The following ZBTB38 variants were observed in gnomAD, a reference collection of about 807,000 sequenced individuals.
The protein encoded by ZBTB38 is zinc finger and BTB domain containing 38.
ZBTB38 carries 20 observed loss-of-function variants against 76.8 expected under a neutral mutation model. The ratio of observed to expected loss-of-function variants is 0.26; its 90% CI spans 0.18 to 0.38. The LOEUF is 0.38. Among genes scored for constraint, ZBTB38 ranks in the 10% least tolerant of loss-of-function variants. The probability of loss-of-function intolerance (pLI) is 1.00; values close to 1 mark genes in which losing one functional copy is unlikely to be tolerated. For synonymous variants in ZBTB38, 504 were observed against 544.2 expected, an observed-to-expected ratio of 0.93 and a Z score of 1.03; for missense variants, 1,082 against 1,482.3, an observed-to-expected ratio of 0.73 and a Z score of 4.43.
At chr3:141,330,566 G>A (rs10454218) in intron 1 of ZBTB38, among the ~76,000 whole-genome samples, 2 of 152,326 alleles carry the variant, frequency 1.3e-5, no homozygotes, top group South Asian at 4.1e-4. Context: ...CTTGTTCAGG[G>A]ACCTTGTGTC....
At chr3:141,349,754 C>T (rs966258393) in intron 1 of ZBTB38, among the ~76,000 whole-genome samples, 4 of 151,068 alleles carry the variant, frequency 2.6e-5, no homozygotes, top group Non-Finnish European at 4.4e-5. Flanking sequence ...AAATACATCA[C>T]GAAAGACAGA....
chr3:141,394,864 G>T (rs1376913521), intron 4 of ZBTB38, among the ~76,000 whole-genome samples: 1 of 152,080 alleles, frequency 6.6e-6, no homozygotes, highest in Non-Finnish European at 1.5e-5. Context: ...TATCTTTGAG[G>T]GAATCATGGC....
chr3:141,347,112 A>G (rs1943385692), intron 1 of ZBTB38, among the ~76,000 whole-genome samples: 1 of 152,158 alleles, frequency 6.6e-6, no homozygotes, highest in African/African-American at 2.4e-5. Context: ...TTCAAACGCC[A>G]CACAGTTGAT....
chr3:141,417,971 G>A (rs1341563979), intron 5 of ZBTB38, among the ~76,000 whole-genome samples: 7 of 152,092 alleles, frequency 4.6e-5, no homozygotes, highest in Admixed American at 3.9e-4. Context: ...CCGAGATCGC[G>A]CCATTGCACT....
At chr3:141,377,587 C>A (rs1340312528) in intron 2 of ZBTB38, among the ~76,000 whole-genome samples, 1 of 152,160 alleles carries the variant, frequency 6.6e-6, no homozygotes, top group Non-Finnish European at 1.5e-5. Flanking sequence ...CGTGATCCAG[C>A]AATCCTACTC....
At chr3:141,420,594 T>C (rs2075135164) in intron 5 of ZBTB38, among the ~76,000 whole-genome samples, 1 of 152,230 alleles carries the variant, frequency 6.6e-6, no homozygotes, top group Admixed American at 6.5e-5. Context: ...TCTTTAAAGA[T>C]GAAGCCAAGG....
At chr3:141,401,750 G>T (rs1475243379) in intron 4 of ZBTB38, among the ~76,000 whole-genome samples, 1 of 151,992 alleles carries the variant, frequency 6.6e-6, no homozygotes, top group East Asian at 1.9e-4. Flanking sequence ...GGCCCTCTCT[G>T]AATACTTTTT....
chr3:141,416,030 A>AC (rs915826538), intron 5 of ZBTB38, among the ~76,000 whole-genome samples: 1 of 151,976 alleles, frequency 6.6e-6, no homozygotes, highest in African/African-American at 2.4e-5. Context: ...TTTTTATGGG[A>AC]CCCTTGTAGG....
Position 141,446,641 on chromosome 3 carries a change from G to A in ZBTB38, c.*665G>A, listed in dbSNP as rs747243638. 177 of 152,652 alleles carry A rather than the reference G, an allele frequency of 1.2e-3. No homozygotes were observed. The highest frequency in any genetic ancestry group is 1.6e-3 in the Non-Finnish European group (107 of 68,028). The allele number at this position is 152,652 out of a possible 1,614,324, so 9.5% of individuals were successfully genotyped here. ...CATATCCCCTGTAGAGAATTATGAGGAGCAATAGATCTGCAAATAATGAGG... is the reference window on the plus strand; with the variant it reads ...CATATCCCCTGTAGAGAATTATGAGAAGCAATAGATCTGCAAATAATGAGG... On this transcript the variant is annotated 3_prime_UTR_variant, in exon 6 of 6. Transcript: ENST00000321464.
At chr3:141,387,808 A>G (rs1298103208) in intron 4 of ZBTB38, 1 of 152,204 alleles carries the variant, frequency 6.6e-6, no homozygotes, top group Non-Finnish European at 1.5e-5. Context: ...AAGACAGAGA[A>G]ATCAGTTGGT....
At chr3:141,373,124 GACA>G (rs1258372007) in intron 2 of ZBTB38, among the ~76,000 whole-genome samples, 4 of 152,190 alleles carry the variant, frequency 2.6e-5, no homozygotes, top group Non-Finnish European at 5.9e-5. Context: ...TGACCTCACA[GACA>G]ACATCAGCAA....
chr3:141,397,584 C>A (rs1267666930), intron 4 of ZBTB38, among the ~76,000 whole-genome samples: 3 of 152,128 alleles, frequency 2.0e-5, no homozygotes, highest in African/African-American at 7.2e-5. Flanking sequence ...TCATTTCTAG[C>A]TTTTGATTTA....
chr3:141,333,661 G>A (rs566660797), intron 1 of ZBTB38, among the ~76,000 whole-genome samples: 1 of 152,248 alleles, frequency 6.6e-6, no homozygotes, highest in South Asian at 2.1e-4. Context: ...GGGCAGTGTG[G>A]GTGGGGAAAG....
Position 141,443,561 on chromosome 3 carries a change from G to C in ZBTB38, c.1173G>C (p.Gln391His). Residue 391 changes from glutamine (Q) to histidine (H), a missense_variant, in exon 6 of 6, where the codon CAG becomes CAC. By Grantham distance (24) the Gln-to-His change is conservative. This residue lies in a region of ZBTB38 where 324 missense variants were observed against 359.1 expected (regional missense o/e 0.90). Coordinates refer to ENST00000321464, the MANE Select transcript of ZBTB38 (RefSeq NM_001376113.1). The surrounding 1 kb of genome is among the most constrained non-coding windows in gnomAD (Gnocchi z 5.6). The stretch of plus-strand genomic sequence containing the variant: ...TGAACAGGTTGGATCGGCATGAACA[G>C]ATCTGCATGAGGTCAAGCCACATGC... ...TTLNRLDRHE[Q>H]ICMRSSHMPI... The C allele has an allele frequency of 6.2e-7, 1 of 1,614,218 alleles. No homozygotes were observed. The highest frequency in any genetic ancestry group is 8.5e-7 in the Non-Finnish European group (1 of 1,180,040).
At chr3:141,329,621 G>A (rs1942783998) in intron 1 of ZBTB38, among the ~76,000 whole-genome samples, 1 of 152,186 alleles carries the variant, frequency 6.6e-6, no homozygotes, top group East Asian at 1.9e-4. Flanking sequence ...TGATATTAAG[G>A]GACCCAGAGG....
chr3:141,442,328 T>C lies in ZBTB38; in HGVS notation c.1-61T>C. On this transcript the variant is annotated intron_variant, in intron 5 of 5. Transcript: ENST00000321464. This position sits in a 1 kb window ranked among gnomAD's most constrained non-coding sequence, Gnocchi z 6.4. ...AGTTTTTCACAGAAGTGGAAAATAG[T>C]CTAGAGATAAAGAAGCCACCTGTGG... 1.6e-6 allele frequency: 2 copies of C among 1,260,078 alleles called. No individual in the cohort carries two copies. Among genetic ancestry groups the C allele is most frequent in the Non-Finnish European group, 2.2e-6 (2 of 895,622 alleles). The allele number at this position is 1,260,078 out of a possible 1,614,324, so 78.1% of individuals were successfully genotyped here.
intron 1 of ZBTB38, among the ~76,000 whole-genome samples, chr3:141,354,266 G>A (rs548333795): frequency 1.3e-5 from 2 of 152,064 alleles, no homozygotes; most frequent in Non-Finnish European, 2.9e-5. Context: ...TTTAAACCCT[G>A]CTCTCAGCAT....
intron 1 of ZBTB38, among the ~76,000 whole-genome samples, chr3:141,348,319 A>G (rs772655771): frequency 6.6e-6 from 1 of 152,226 alleles, no homozygotes; most frequent in Non-Finnish European, 1.5e-5. Flanking sequence ...GCCCACATCT[A>G]TTCTTGAGCT....
At chr3:141,415,855 T>C (rs891342360) in intron 5 of ZBTB38, among the ~76,000 whole-genome samples, 49 of 152,312 alleles carry the variant, frequency 3.2e-4, no homozygotes, top group African/African-American at 1.1e-3. Context: ...CAGCCCCCAC[T>C]GACCTTCTGG....
Sources: allele counts gnomAD v4.1 joint callset (sites outside exome capture counted in the v4.1 genomes callset), GRCh38; gene constraint gnomAD v4.1.1; regional missense constraint gnomAD v4.1.1; non-coding constraint Gnocchi (gnomAD v3.1); transcripts MANE v1.5; gene names NCBI Gene and HGNC (gene_info 2026-07-23, HGNC 2026-07-21).